DOK4: variants seen among roughly 807,000 people sequenced by gnomAD.
The protein encoded by DOK4 is docking protein 4.
A neutral mutation model predicts 40.1 loss-of-function variants in DOK4; 26 were observed. The ratio of observed to expected loss-of-function variants is 0.65; its 90% CI spans 0.48 to 0.90. The LOEUF (loss-of-function observed/expected upper bound fraction) is 0.90, where lower values mean the gene tolerates loss of function less well. DOK4 is among the 40% of genes least tolerant of loss of function. The probability of loss-of-function intolerance (pLI) is 0.00; values close to 1 mark genes in which losing one functional copy is unlikely to be tolerated. For synonymous variants in DOK4, 179 were observed against 177.0 expected (o/e 1.01, Z -0.09); for missense variants, 392 against 437.2 (o/e 0.90, Z 0.92).
rs1390407246 is a variant in DOK4 at position 57,479,075 on chromosome 16, A to G, written c.66+367T>C. On this transcript the variant is annotated intron_variant, in intron 2 of 8. Transcript: ENST00000340099. The surrounding 1 kb of genome is among the most constrained non-coding windows in gnomAD (Gnocchi z 5.8). ...GGGAGAGGAGGCCAGGGGAAGTGAG[A>G]CGCTGCTTCTCAGCTCAGACACAGC... Among the ~76,000 whole-genome samples, 3 of 152,134 alleles carry G rather than the reference A, an allele frequency of 2.0e-5. No individual in the cohort carries two copies. Among genetic ancestry groups the G allele is most frequent in the Non-Finnish European group, 4.4e-5 (3 of 68,000 alleles).
chr16:57,483,186 A>G (rs2031462866), intron 1 of DOK4, among the ~76,000 whole-genome samples: 1 of 152,210 alleles, frequency 6.6e-6, no homozygotes. Context: ...GTCAGGGCCA[A>G]TAGGTGGACC....
chr16:57,480,798 AC>A (rs2031386231), intron 1 of DOK4, among the ~76,000 whole-genome samples: 1 of 152,178 alleles, frequency 6.6e-6, no homozygotes, highest in Admixed American at 6.5e-5. Context: ...ACCCAGTCTA[AC>A]CCCTTCATTT....
At chr16:57,473,980 T>C (rs746369474) in exon 7 of DOK4, 3 of 1,613,566 alleles carry the variant, frequency 1.9e-6, no homozygotes, top group South Asian at 2.2e-5. Context: ...GACGCGCTGG[T>C]AAATCTGCTC....
chr16:57,475,358 G>C, intron 4 of DOK4, 139 bp from the exon 5 acceptor site: 1 of 1,464,724 alleles, frequency 6.8e-7, no homozygotes, highest in Non-Finnish European at 9.3e-7. Context: ...TCAACCCTGA[G>C]GGCCTGCTCC....
At chr16:57,483,613 G>A (rs1598057947) in intron 1 of DOK4, among the ~76,000 whole-genome samples, 1 of 152,292 alleles carries the variant, frequency 6.6e-6, no homozygotes, top group East Asian at 1.9e-4. Context: ...CTGGGTGATA[G>A]AGTGAGACTG....
chr16:57,475,693 TCTCCCTCCCTCC>T, intron 3 of DOK4, 73 bp from the exon 4 acceptor site: 1 of 480,482 alleles, frequency 2.1e-6, no homozygotes, highest in Non-Finnish European at 3.5e-6. Flanking sequence ...TCTCTCTCTC[TCTCCCTCCCTCC>T]CTCTCTCCCC....
upstream of DOK4, among the ~76,000 whole-genome samples, chr16:57,486,741 C>A (rs556319653): frequency 2.0e-4 from 31 of 152,246 alleles, no homozygotes; most frequent in African/African-American, 7.0e-4. Context: ...CTCCCAGCCC[C>A]CACATCTCAA....
At chr16:57,476,052 T>G in intron 2 of DOK4, 95 bp from the exon 3 acceptor site, 1 of 1,051,768 alleles carries the variant, frequency 9.5e-7, no homozygotes, top group Non-Finnish European at 1.4e-6. Context: ...CAGGGGGCGG[T>G]GCCGCACAGC....
chr16:57,473,323 C>A, exon 9 of DOK4: 1 of 1,570,152 alleles, frequency 6.4e-7, no homozygotes, highest in South Asian at 1.2e-5. Context: ...TACACTGCAG[C>A]CAGCCCCGCA....
At chr16:57,481,864 CTTTTT>C (rs2031420391) in intron 1 of DOK4, 1 of 121,324 alleles carries the variant, frequency 8.2e-6, no homozygotes, top group African/African-American at 3.3e-5. Flanking sequence ...TACCCTTTTT[CTTTTT>C]CTTTTTCTTT....
intron 1 of DOK4, among the ~76,000 whole-genome samples, chr16:57,482,231 G>A (rs1274868507): frequency 1.3e-5 from 2 of 152,132 alleles, no homozygotes; most frequent in African/African-American, 4.8e-5. Context: ...GTGCCATCAC[G>A]GCTTACGGCA....
At chr16:57,472,192 C>A (rs1037806463) in exon 9 of DOK4, 2 of 152,314 alleles carry the variant, frequency 1.3e-5, no homozygotes, top group Non-Finnish European at 2.9e-5. Flanking sequence ...TGGGAGGGGC[C>A]GCGTGCTTTA....
chr16:57,475,037 C>T (rs1382399511), intron 5 of DOK4, 55 bp from the exon 6 acceptor site: 7 of 1,596,514 alleles, frequency 4.4e-6, no homozygotes, highest in South Asian at 2.3e-5. Context: ...ATGGGGACTT[C>T]CTCCCTCCCT....
chr16:57,479,843 A>AC lies in DOK4; in HGVS notation c.-181-156dup. The AC allele has an allele frequency of 4.6e-6, 1 of 218,024 alleles. No individual in the cohort carries two copies. Among genetic ancestry groups the AC allele is most frequent in the Non-Finnish European group, 8.9e-6 (1 of 112,688 alleles). 13.5% of individuals were successfully genotyped at this position (218,024 alleles called of 1,614,324 possible). A position where few individuals can be genotyped will look rare whatever the true frequency, so the allele number is the denominator to read the frequency against. ...CCCTTCTTCCTTCCCTTCCCTCCCC[A>AC]CCCCAGGACGACAGAACCATTCAGG... On this transcript the variant is annotated intron_variant, in intron 1 of 8. Coordinates refer to ENST00000340099, the Ensembl canonical transcript of DOK4. The surrounding 1 kb of genome is among the most constrained non-coding windows in gnomAD (Gnocchi z 5.8).
chr16:57,472,291 CCAAAAAACAA>C (rs1205652603), exon 9 of DOK4: 1 of 152,580 alleles, frequency 6.6e-6, no homozygotes, highest in Non-Finnish European at 1.5e-5. Context: ...AAAACAAAAC[CCAAAAAACAA>C]CAAAAAACCC....
intron 6 of DOK4, chr16:57,474,588 T>C: frequency 1.5e-6 from 1 of 668,242 alleles, no homozygotes; most frequent in Non-Finnish European, 2.5e-6. Flanking sequence ...GGTAAATAGC[T>C]TCACTTGACC....
intron 1 of DOK4, among the ~76,000 whole-genome samples, chr16:57,483,788 G>A (rs1367864280): frequency 6.6e-6 from 1 of 152,148 alleles, no homozygotes; most frequent in Non-Finnish European, 1.5e-5. Context: ...TACTTTGAGA[G>A]GACCTGAGGT....
Position 57,474,090 on chromosome 16 carries a change from C to G in DOK4, c.600-51G>C, listed in dbSNP as rs370667280. ...ATGGTGGGGACCCACCACAGACATG[C>G]ATGTGATTAGTTAGGCTCTCTTGCA... is the stretch of plus-strand genomic sequence containing the variant. On this transcript the variant is annotated intron_variant, in intron 6 of 8. Coordinates refer to ENST00000340099, the Ensembl canonical transcript of DOK4. 2.5e-6 allele frequency: 4 copies of G among 1,606,938 alleles called. No individual in the cohort carries two copies. The South Asian group carries it at 3.3e-5, about 13-fold the overall frequency.
intron 3 of DOK4, 73 bp from the exon 4 acceptor site, chr16:57,475,693 T>TCTATCTCTCC (rs2031133672): frequency 2.6e-6 from 1 of 377,598 alleles, no homozygotes; most frequent in Non-Finnish European, 4.4e-6. Flanking sequence ...TCTCTCTCTC[T>TCTATCTCTCC]CTCCCTCCCT....
Sources: gnomAD v4.1 joint callset for allele counts (sites outside exome capture counted in the v4.1 genomes callset) on GRCh38, gnomAD v4.1.1 for gene constraint, Gnocchi (gnomAD v3.1) non-coding constraint, MANE v1.5 for transcripts, NCBI Gene and HGNC (gene_info 2026-07-23, HGNC 2026-07-21) for gene names.